BICD1: variants seen among roughly 807,000 people sequenced by gnomAD.
BICD1 encodes the protein protein bicaudal D homolog 1.
BICD1 carries 35 observed loss-of-function variants against 92.5 expected under a neutral mutation model. The observed-to-expected ratio is 0.38, with a 90% CI of 0.29 to 0.50. The LOEUF is 0.50. Among genes scored for constraint, BICD1 ranks in the 20% least tolerant of loss-of-function variants. BICD1 has a pLI of 0.93. For missense variants in BICD1, 950 were observed against 1,189.8 expected (o/e 0.80, Z 2.97); for synonymous variants, 429 against 465.1 (o/e 0.92, Z 1.00).
intron 3 of BICD1, among the ~76,000 whole-genome samples, chr12:32,300,502 A>T (rs1267152837): frequency 4.6e-5 from 7 of 152,284 alleles, no homozygotes. Context: ...ATGTCTGCAA[A>T]TATAAGCTTA....
chr12:32,278,864 A>T (rs1309916466), intron 2 of BICD1, among the ~76,000 whole-genome samples: 1 of 150,328 alleles, frequency 6.7e-6, no homozygotes, highest in Non-Finnish European at 1.5e-5. Context: ...TCAAAGAAAT[A>T]AAATAAATAA....
At chr12:32,291,645 C>T (rs1342479204) in intron 2 of BICD1, among the ~76,000 whole-genome samples, 1 of 151,876 alleles carries the variant, frequency 6.6e-6, no homozygotes, top group Non-Finnish European at 1.5e-5. Context: ...TGAGACCAGC[C>T]TGGGCAACAT....
In BICD1 at chr12:32,121,571, C is replaced by T. The variant is rs560571321; in HGVS notation, c.213+14027C>T. Among the ~76,000 whole-genome samples the T allele has an allele frequency of 1.0e-4, 15 of 150,010 alleles. No homozygotes were observed. The South Asian group carries it at 2.1e-3, about 21-fold the overall frequency. ...TCACTCCATTGCACTCCAGCCTGGGCGAGAGTCTTGTTCTGTCTCCAAAAA... is the reference window on the plus strand; with the variant it reads ...TCACTCCATTGCACTCCAGCCTGGGTGAGAGTCTTGTTCTGTCTCCAAAAA... On this transcript the variant is annotated intron_variant, in intron 1 of 9. Coordinates refer to ENST00000652176, the MANE Select transcript of BICD1 (RefSeq NM_001714.4).
intron 2 of BICD1, among the ~76,000 whole-genome samples, chr12:32,225,286 T>C (rs1565600045): frequency 6.6e-6 from 1 of 152,234 alleles, no homozygotes; most frequent in Non-Finnish European, 1.5e-5. Flanking sequence ...CATGTGTCAA[T>C]AGTTTGTTCC....
chr12:32,299,699 AC>A (rs1011754260), intron 3 of BICD1, among the ~76,000 whole-genome samples: 5 of 151,894 alleles, frequency 3.3e-5, no homozygotes, highest in African/African-American at 9.7e-5. Flanking sequence ...CTACAAAAAA[AC>A]AATTTAAAAA....
intron 1 of BICD1, among the ~76,000 whole-genome samples, chr12:32,173,967 C>G (rs1359344429): frequency 6.6e-6 from 1 of 152,226 alleles, no homozygotes; most frequent in East Asian, 1.9e-4. Context: ...CTTCTTCCCA[C>G]AGAGTTCTGA....
chr12:32,164,924 T>A (rs959964319), intron 1 of BICD1, among the ~76,000 whole-genome samples: 2 of 152,190 alleles, frequency 1.3e-5, no homozygotes, highest in African/African-American at 4.8e-5. Context: ...CAACTGCGCA[T>A]CCTGACAGCA....
intron 1 of BICD1, among the ~76,000 whole-genome samples, chr12:32,170,712 A>G (rs78292253): frequency 0.1 from 15,544 of 152,234 alleles, 1,095 homozygotes; most frequent in Middle Eastern, 0.22. Context: ...TGAATTTCAG[A>G]GTTTGAAATG....
Position 32,260,380 on chromosome 12 carries a change from ACT to A in BICD1, c.427-33609_427-33608del, listed in dbSNP as rs201190196. 6.3e-3 allele frequency among the ~76,000 whole-genome samples: 957 copies of A among 151,984 alleles called. 12 individuals are homozygous for A. Among genetic ancestry groups the A allele is most frequent in the African/African-American group, 0.022 (907 of 41,428 alleles). ...TAGCTGCCCTTCTGGTGGGATGTGCACTCTCTGGTTTTCCATGACTGTATCTG... is the reference window on the plus strand; with the variant it reads ...TAGCTGCCCTTCTGGTGGGATGTGCACTCTGGTTTTCCATGACTGTATCTG... On this transcript the variant is annotated intron_variant, in intron 2 of 9. Transcript: ENST00000652176.
chr12:32,281,382 A>G (rs777291374), intron 2 of BICD1, among the ~76,000 whole-genome samples: 32 of 152,190 alleles, frequency 2.1e-4, no homozygotes, highest in Non-Finnish European at 4.0e-4. Flanking sequence ...TTTGTGATGC[A>G]TACATTACTG....
At chr12:32,310,327 G>A (rs1381873802) in intron 4 of BICD1, among the ~76,000 whole-genome samples, 1 of 152,194 alleles carries the variant, frequency 6.6e-6, no homozygotes, top group African/African-American at 2.4e-5. Context: ...AGCAGAGAAA[G>A]GTGTATTCAT....
Position 32,365,938 on chromosome 12 carries a change from A to C in BICD1, c.2765-1732A>C, listed in dbSNP as rs80190738. On this transcript the variant is annotated intron_variant, in intron 8 of 9. Coordinates refer to ENST00000652176, the MANE Select transcript of BICD1 (RefSeq NM_001714.4). ...GATTTGTTATATTTGAAAGATTTTT[A>C]CTGAGTATGATCATCCGAACACCAG... 4.4e-3 allele frequency among the ~76,000 whole-genome samples: 664 copies of C among 152,340 alleles called. 4 individuals are homozygous for C. Among genetic ancestry groups the C allele is most frequent in the African/African-American group, 0.015 (616 of 41,572 alleles).
At chr12:32,320,842 C>G (rs1356551107) in intron 4 of BICD1, among the ~76,000 whole-genome samples, 3 of 151,414 alleles carry the variant, frequency 2.0e-5, no homozygotes, top group Non-Finnish European at 2.9e-5. Context: ...CAGTTCCAGA[C>G]AGAAACTGAA....
At chr12:32,133,046 A>C (rs573493040) in intron 1 of BICD1, among the ~76,000 whole-genome samples, 6 of 152,208 alleles carry the variant, frequency 3.9e-5, no homozygotes, top group Admixed American at 6.5e-5. Flanking sequence ...AGCTAGGAAG[A>C]ATGTAAAGAA....
At chr12:32,183,035 G>A (rs1282132043) in intron 1 of BICD1, among the ~76,000 whole-genome samples, 1 of 151,240 alleles carries the variant, frequency 6.6e-6, no homozygotes, top group Non-Finnish European at 1.5e-5. Context: ...GGAACTACAG[G>A]TGTGCACCAG....
intron 5 of BICD1, among the ~76,000 whole-genome samples, chr12:32,329,399 G>A (rs1937731366): frequency 6.6e-6 from 1 of 152,092 alleles, no homozygotes; most frequent in Admixed American, 6.6e-5. Flanking sequence ...GCCCAGCCAA[G>A]TATAGCAAGA....
At chr12:32,205,064 T>C (rs1210316958) in intron 1 of BICD1, among the ~76,000 whole-genome samples, 2 of 152,238 alleles carry the variant, frequency 1.3e-5, no homozygotes, top group East Asian at 3.8e-4. Context: ...ATTCCATTAA[T>C]AAGTAATTGA....
intron 1 of BICD1, among the ~76,000 whole-genome samples, chr12:32,184,280 T>A (rs534282433): frequency 6.6e-6 from 1 of 152,310 alleles, no homozygotes; most frequent in African/African-American, 2.4e-5. Flanking sequence ...CAAAAGGATG[T>A]ATGGAAAATA....
At chr12:32,155,693 A>G (rs991597915) in intron 1 of BICD1, among the ~76,000 whole-genome samples, 8 of 152,260 alleles carry the variant, frequency 5.3e-5, no homozygotes, top group African/African-American at 1.9e-4. Context: ...AAAAGGGAAA[A>G]TAAGAAAATG....
Sources: allele counts gnomAD v4.1 joint callset (sites outside exome capture counted in the v4.1 genomes callset), GRCh38; gene constraint gnomAD v4.1.1; transcripts MANE v1.5; gene names NCBI Gene and HGNC (gene_info 2026-07-23, HGNC 2026-07-21).